QTGAL: variants seen among roughly 807,000 people sequenced by gnomAD.
QTGAL encodes the protein queuosine-tRNA galactosyltransferase.
chr17:83,043,334 C>T, the QTGAL span, among the ~76,000 whole-genome samples: 1 of 152,114 alleles, frequency 6.6e-6, no homozygotes, highest in African/African-American at 2.4e-5. Context: ...TCTCTGACCA[C>T]AGTGAAATGA....
At chr17:82,970,480 G>A in the QTGAL span, among the ~76,000 whole-genome samples, 2 of 150,694 alleles carry the variant, frequency 1.3e-5, no homozygotes, top group Admixed American at 6.6e-5. Flanking sequence ...CCGTTTGCAC[G>A]GTGGTGAGGA....
chr17:82,988,202 T>A, the QTGAL span, among the ~76,000 whole-genome samples: 1 of 152,146 alleles, frequency 6.6e-6, no homozygotes. Flanking sequence ...AAATATAGGA[T>A]CATGTTGTCT....
At chr17:82,942,549 T>C in the QTGAL span, 1 of 1,584,934 alleles carries the variant, frequency 6.3e-7, no homozygotes, top group Admixed American at 1.7e-5. Flanking sequence ...CCTCGCACAG[T>C]GGTGCCTCCA....
the QTGAL span, among the ~76,000 whole-genome samples, chr17:83,033,027 AGAGCGGCCTGGAGACGCT>A: frequency 6.6e-6 from 1 of 152,270 alleles, no homozygotes; most frequent in Admixed American, 6.5e-5. Context: ...GCTCTGGGCC[AGAGCGGCCTGGAGACGCT>A]GAGCGGCACC....
the QTGAL span, among the ~76,000 whole-genome samples, chr17:82,962,542 CGG>C: frequency 3.3e-4 from 42 of 128,736 alleles, no homozygotes; most frequent in South Asian, 5.4e-4. Context: ...CTGGTGGACA[CGG>C]ACCCTCACAC....
the QTGAL span, among the ~76,000 whole-genome samples, chr17:82,995,278 T>A: frequency 6.6e-6 from 1 of 152,024 alleles, no homozygotes; most frequent in Non-Finnish European, 1.5e-5. Context: ...TCTTATATTT[T>A]AAAAAAACCT....
chr17:82,990,203 C>A, the QTGAL span, among the ~76,000 whole-genome samples: 1,849 of 152,348 alleles, frequency 0.012, 42 homozygotes, highest in African/African-American at 0.042. Flanking sequence ...TAATACAAAC[C>A]ATACTGGTGA....
chr17:82,964,500 A>G, the QTGAL span, among the ~76,000 whole-genome samples: 1 of 152,122 alleles, frequency 6.6e-6, no homozygotes, highest in East Asian at 1.9e-4. Flanking sequence ...GGACGCCTAC[A>G]GGTGCGTCCC....
the QTGAL span, chr17:82,945,912 A>G: frequency 6.6e-6 from 1 of 152,256 alleles, no homozygotes; most frequent in African/African-American, 2.4e-5. Flanking sequence ...CCATAAAAAC[A>G]TAGAAAGATG....
the QTGAL span, chr17:83,035,183 T>C: frequency 3.7e-5 from 9 of 244,458 alleles, no homozygotes; most frequent in Non-Finnish European, 5.8e-5. Flanking sequence ...TATGATATTC[T>C]TTTTTTTTTT....
the QTGAL span, chr17:83,014,467 T>C: frequency 1.2e-6 from 2 of 1,614,094 alleles, no homozygotes; most frequent in East Asian, 2.2e-5. Context: ...CGACGGGTGC[T>C]GAACGGCAGC....
the QTGAL span, chr17:82,949,267 G>A: frequency 1.6e-3 from 241 of 152,276 alleles, 1 homozygote; most frequent in African/African-American, 5.6e-3. Flanking sequence ...CCACTTGAGC[G>A]AAATTATGTA....
the QTGAL span, among the ~76,000 whole-genome samples, chr17:83,049,517 A>G: frequency 6.9e-6 from 1 of 145,542 alleles, no homozygotes; most frequent in African/African-American, 2.6e-5. Context: ...GGTTCACGCC[A>G]TTCTCCTGCC....
At chr17:83,032,846 C>T in the QTGAL span, among the ~76,000 whole-genome samples, 14 of 152,176 alleles carry the variant, frequency 9.2e-5, no homozygotes, top group South Asian at 2.1e-4. Context: ...TCCGCCTTCC[C>T]GAGCTGGGCC....
chr17:83,013,574 C>T, the QTGAL span, among the ~76,000 whole-genome samples: 6 of 150,996 alleles, frequency 4.0e-5, no homozygotes, highest in African/African-American at 1.5e-4. Context: ...GGGAGCTGGG[C>T]TCCCAGCGCC....
At chr17:83,014,627 C>T in the QTGAL span, 5 of 1,231,420 alleles carry the variant, frequency 4.1e-6, no homozygotes, top group Non-Finnish European at 5.8e-6. Context: ...ACAATCATAG[C>T]TCACTGCAGC....
At chr17:82,991,857 A>G in the QTGAL span, among the ~76,000 whole-genome samples, 1 of 152,286 alleles carries the variant, frequency 6.6e-6, no homozygotes, top group South Asian at 2.1e-4. Flanking sequence ...AAAATTAACA[A>G]AGAGATTAAA....
chr17:82,960,916 G>C, the QTGAL span: 3 of 1,299,712 alleles, frequency 2.3e-6, no homozygotes, highest in Middle Eastern at 5.5e-4. Flanking sequence ...CTGTTGCCCC[G>C]TGTCCCACCA....
chr17:82,973,265 CA>C, the QTGAL span, among the ~76,000 whole-genome samples: 1 of 148,770 alleles, frequency 6.7e-6, no homozygotes, highest in African/African-American at 2.5e-5. Context: ...AGACACAAAG[CA>C]AATAACGACT....
Sources: gnomAD v4.1 joint callset for allele counts (sites outside exome capture counted in the v4.1 genomes callset) on GRCh38, gnomAD v4.1.1 for gene constraint, MANE v1.5 for transcripts, NCBI Gene and HGNC (gene_info 2026-07-23, HGNC 2026-07-21) for gene names.